RANBP2: variants seen among roughly 807,000 people sequenced by gnomAD.
The protein encoded by RANBP2 is RAN binding protein 2, also known as E3 SUMO-protein ligase RanBP2.
Under a neutral mutation model 303.6 loss-of-function variants are expected in RANBP2, and 57 were observed. The ratio of observed to expected loss-of-function variants is 0.19; its 90% confidence interval spans 0.15 to 0.23. RANBP2 has a LOEUF of 0.23. Ranked by LOEUF, RANBP2 falls within the 10% of genes least tolerant of loss-of-function variation. The pLI, the probability that RANBP2 is intolerant of heterozygous loss-of-function variation, is 1.00. For synonymous variants in RANBP2, 1,167 were observed against 1,301.5 expected (o/e 0.90, Z 2.23); for missense variants, 3,138 against 3,780.8 (o/e 0.83, Z 4.46).
At chr2:109,507,291 C>T in the RANBP2 span, among the ~76,000 whole-genome samples, 12 of 152,330 alleles carry the variant, frequency 7.9e-5, no homozygotes, top group African/African-American at 1.7e-4. Flanking sequence ...GACCAGGGAC[C>T]GTCTTGGAAT....
At chr2:109,441,144 A>T in the RANBP2 span, among the ~76,000 whole-genome samples, 1 of 151,970 alleles carries the variant, frequency 6.6e-6, no homozygotes, top group African/African-American at 2.4e-5. Flanking sequence ...AAAAAAAAAA[A>T]AATTCCAGCT....
At chr2:108,793,442 C>G in the RANBP2 span, among the ~76,000 whole-genome samples, 1 of 152,106 alleles carries the variant, frequency 6.6e-6, no homozygotes, top group African/African-American at 2.4e-5. Context: ...GGATATCAAG[C>G]AAGAGGAACT....
chr2:108,772,394 T>C, intron 21 of RANBP2, 95 bp from the exon 22 acceptor site: 2 of 922,728 alleles, frequency 2.2e-6, no homozygotes, highest in Non-Finnish European at 3.5e-6. Context: ...AATTCAGATG[T>C]GGAGAGTGAG....
chr2:109,460,963 G>A, the RANBP2 span, among the ~76,000 whole-genome samples: 1 of 152,200 alleles, frequency 6.6e-6, no homozygotes, highest in African/African-American at 2.4e-5. Context: ...CCTGCATATG[G>A]TGCAGAACCA....
At chr2:109,568,757 G>C in the RANBP2 span, among the ~76,000 whole-genome samples, 5 of 152,250 alleles carry the variant, frequency 3.3e-5, no homozygotes, top group East Asian at 7.7e-4. Context: ...CTAAAAGACA[G>C]GTGAAGCTTC....
the RANBP2 span, among the ~76,000 whole-genome samples, chr2:109,132,314 G>A: frequency 0.2 from 30,964 of 151,938 alleles, 3,922 homozygotes; most frequent in Middle Eastern, 0.36. Context: ...ATTTTGTTAC[G>A]GTTCAATATT....
the RANBP2 span, among the ~76,000 whole-genome samples, chr2:109,140,429 G>A: frequency 2.6e-5 from 4 of 151,794 alleles, no homozygotes; most frequent in Non-Finnish European, 5.9e-5. Flanking sequence ...CCCCTAGGCT[G>A]GAGTGCAGTG....
chr2:109,682,607 T>C, the RANBP2 span, among the ~76,000 whole-genome samples: 1 of 152,164 alleles, frequency 6.6e-6, no homozygotes, highest in East Asian at 1.9e-4. Flanking sequence ...AGAAAAATTG[T>C]TCCCCAAGTA....
chr2:108,864,450 C>G, the RANBP2 span, among the ~76,000 whole-genome samples: 3 of 152,078 alleles, frequency 2.0e-5, no homozygotes, highest in Admixed American at 1.3e-4. Context: ...ACTGCTTGAT[C>G]CCAGGAGTTT....
At chr2:108,745,568 G>A (rs1323099070) in intron 7 of RANBP2, among the ~76,000 whole-genome samples, 7 of 149,050 alleles carry the variant, frequency 4.7e-5, no homozygotes, top group Non-Finnish European at 7.4e-5. Flanking sequence ...CAGCTGTCAC[G>A]TCTTCCCTTT....
chr2:108,745,902 T>C (rs1696472051), intron 7 of RANBP2, among the ~76,000 whole-genome samples: 1 of 64,680 alleles, frequency 1.5e-5, no homozygotes, highest in Non-Finnish European at 2.7e-5. Flanking sequence ...CTGTGTATGC[T>C]TTTTTTTTTT....
At chr2:109,169,735 A>G in the RANBP2 span, among the ~76,000 whole-genome samples, 1 of 144,274 alleles carries the variant, frequency 6.9e-6, no homozygotes, top group East Asian at 2.1e-4. Flanking sequence ...ACCAAAATAC[A>G]TATGTATAAA....
At chr2:108,877,479 TAAATA>T in the RANBP2 span, among the ~76,000 whole-genome samples, 3 of 151,562 alleles carry the variant, frequency 2.0e-5, no homozygotes, top group African/African-American at 7.3e-5. Context: ...AAAATAAAAA[TAAATA>T]AATAAAATAA....
chr2:109,203,389 G>C, the RANBP2 span, among the ~76,000 whole-genome samples: 1 of 152,296 alleles, frequency 6.6e-6, no homozygotes, highest in Non-Finnish European at 1.5e-5. Flanking sequence ...GCCTTGGGAG[G>C]GTGTTTCCGC....
chr2:109,484,065 TTC>T, the RANBP2 span, among the ~76,000 whole-genome samples: 11 of 79,178 alleles, frequency 1.4e-4, no homozygotes, highest in South Asian at 2.3e-3. Flanking sequence ...CCTCTGGCCT[TTC>T]TTTTTTTTTT....
chr2:109,143,300 G>C, the RANBP2 span, among the ~76,000 whole-genome samples: 2 of 152,288 alleles, frequency 1.3e-5, no homozygotes, highest in African/African-American at 4.8e-5. Context: ...CTGAGGCTTG[G>C]AGGACCATAG....
chr2:109,453,847 G>A, the RANBP2 span, among the ~76,000 whole-genome samples: 1 of 152,192 alleles, frequency 6.6e-6, no homozygotes, highest in East Asian at 1.9e-4. Context: ...GAGACTTCCC[G>A]GGGCACAGAT....
At chr2:109,614,633 G>GCGCGCC in the RANBP2 span, 238 of 1,465,996 alleles carry the variant, frequency 1.6e-4, 1 homozygote, top group Admixed American at 3.4e-4. Context: ...AACCGGAGCA[G>GCGCGCC]CGCGCCCGCG....
chr2:109,688,755 G>T, the RANBP2 span, among the ~76,000 whole-genome samples: 1 of 139,600 alleles, frequency 7.2e-6, no homozygotes, highest in African/African-American at 2.7e-5. Flanking sequence ...CTCCAGCCTG[G>T]GTGACGGAGC....
Sources: allele counts gnomAD v4.1 joint callset (sites outside exome capture counted in the v4.1 genomes callset), GRCh38; gene constraint gnomAD v4.1.1; transcripts MANE v1.5; gene names NCBI Gene and HGNC (gene_info 2026-07-23, HGNC 2026-07-21).